Variants in EGFLAM observed in about 807,000 individuals in gnomAD.
EGFLAM encodes EGF like, fibronectin type III and laminin G domains.
Under a neutral mutation model 113.1 loss-of-function variants are expected in EGFLAM, and 79 were observed. The observed-to-expected ratio is 0.70, with a 90% CI of 0.58 to 0.84. The LOEUF (loss-of-function observed/expected upper bound fraction) is 0.84, where lower values mean the gene tolerates loss of function less well. Ranked by LOEUF, EGFLAM falls within the 40% of genes least tolerant of loss-of-function variation. The pLI is 0.00. For missense variants in EGFLAM, 1,265 were observed against 1,291.6 expected, an observed-to-expected ratio of 0.98 and a Z score of 0.32; for synonymous variants, 504 against 487.6, an observed-to-expected ratio of 1.03 and a Z score of -0.44.
At chr5:38,380,321 G>A (rs893336783) in intron 6 of EGFLAM, among the ~76,000 whole-genome samples, 2 of 152,200 alleles carry the variant, frequency 1.3e-5, no homozygotes, top group African/African-American at 2.4e-5. Context: ...ACATACTAAT[G>A]AACTTGTTCC....
rs182810414 is a variant in EGFLAM at position 38,260,127 on chromosome 5, A to G, written c.97+1276A>G. Among the ~76,000 whole-genome samples the G allele has an allele frequency of 1.3e-3, 196 of 152,318 alleles. 3 individuals are homozygous for G. Among genetic ancestry groups the G allele is most frequent in the African/African-American group, 4.3e-3 (177 of 41,570 alleles). On this transcript the variant is annotated intron_variant, in intron 1 of 21. Transcript: ENST00000322350. The stretch of plus-strand genomic sequence containing the variant: ...ATTTTGGAGATAATAGCTTCAGTCC[A>G]AGGTAATATCACATTAAATTGTTTC...
At chr5:38,306,194 G>C (rs758702062) in intron 1 of EGFLAM, among the ~76,000 whole-genome samples, 1 of 152,182 alleles carries the variant, frequency 6.6e-6, no homozygotes, top group Non-Finnish European at 1.5e-5. Flanking sequence ...TATAAAAGTG[G>C]AAAAGTTCTA....
chr5:38,267,278 T>C (rs1757656814), intron 1 of EGFLAM, among the ~76,000 whole-genome samples: 1 of 152,256 alleles, frequency 6.6e-6, no homozygotes, highest in African/African-American at 2.4e-5. Context: ...GCTATTTATT[T>C]TTCTTGCTGC....
intron 11 of EGFLAM, among the ~76,000 whole-genome samples, chr5:38,415,402 G>C (rs191259547): frequency 6.6e-6 from 1 of 152,040 alleles, no homozygotes; most frequent in East Asian, 1.9e-4. Flanking sequence ...TAATTTGATT[G>C]CCAGGCACAG....
At chr5:38,300,267 A>G in intron 1 of EGFLAM, among the ~76,000 whole-genome samples, 1 of 152,208 alleles carries the variant, frequency 6.6e-6, no homozygotes, top group East Asian at 1.9e-4. Flanking sequence ...GCACAGTCCC[A>G]AGGGGCACAT....
rs866157530 is a variant in EGFLAM, at chr5:38,412,770, A to G, written c.1494+122A>G. 107 of 1,407,784 alleles carry G rather than the reference A, an allele frequency of 7.6e-5. No homozygotes were observed. The Middle Eastern group carries it at 1.0e-3, about 14-fold the overall frequency. 87.2% of individuals were successfully genotyped at this position (1,407,784 alleles called of 1,614,324 possible). On this transcript the variant is annotated intron_variant, in intron 11 of 21. Coordinates refer to ENST00000322350, the MANE Select transcript of EGFLAM (RefSeq NM_152403.4). ...GATTCAAGTTCTGGATGGGCTTGGT[A>G]AGGCCTATTTCTCATGGTGAACCCA...
intron 6 of EGFLAM, among the ~76,000 whole-genome samples, chr5:38,376,844 T>C (rs1740377167): frequency 6.6e-6 from 1 of 152,102 alleles, no homozygotes; most frequent in South Asian, 2.1e-4. Context: ...CTAATTTTTG[T>C]ATTTTTTGTA....
intron 1 of EGFLAM, among the ~76,000 whole-genome samples, chr5:38,307,620 C>A (rs1324602206): frequency 6.6e-6 from 1 of 152,224 alleles, no homozygotes. Context: ...ATGGACTAAT[C>A]CATACCTGGT....
chr5:38,371,972 G>A (rs367933164), intron 6 of EGFLAM, among the ~76,000 whole-genome samples: 7 of 152,188 alleles, frequency 4.6e-5, no homozygotes, highest in South Asian at 2.1e-4. Context: ...CTCCCATTTC[G>A]TGAGCTGCTC....
chr5:38,261,999 T>A (rs1299549113), intron 1 of EGFLAM, among the ~76,000 whole-genome samples: 1 of 152,174 alleles, frequency 6.6e-6, no homozygotes, highest in Non-Finnish European at 1.5e-5. Flanking sequence ...ACACCACTCA[T>A]TGGATAGCCT....
chr5:38,446,397 C>G (rs1561098913), intron 17 of EGFLAM, among the ~76,000 whole-genome samples: 1 of 152,076 alleles, frequency 6.6e-6, no homozygotes, highest in South Asian at 2.1e-4. Context: ...TTCTTTCCTC[C>G]TCTTCTTGCT....
At chr5:38,463,783 C>T (rs201570086) in intron 21 of EGFLAM, 49 bp from the exon 22 acceptor site, 64 of 1,600,124 alleles carry the variant, frequency 4.0e-5, no homozygotes, top group East Asian at 4.5e-5. Context: ...CCTTGCCCTG[C>T]GGACACCTGT....
At chr5:38,333,252 C>T (rs1739091012) in intron 1 of EGFLAM, among the ~76,000 whole-genome samples, 1 of 152,130 alleles carries the variant, frequency 6.6e-6, no homozygotes. Context: ...AACAGTGCTG[C>T]AATGAACATT....
At chr5:38,402,321 C>G (rs928057682) in intron 6 of EGFLAM, among the ~76,000 whole-genome samples, 2 of 152,178 alleles carry the variant, frequency 1.3e-5, no homozygotes, top group African/African-American at 2.4e-5. Context: ...CTAGCCCTGC[C>G]ATTCCCCATC....
intron 1 of EGFLAM, among the ~76,000 whole-genome samples, chr5:38,291,429 C>T (rs940653961): frequency 1.3e-5 from 2 of 152,184 alleles, no homozygotes; most frequent in African/African-American, 4.8e-5. Context: ...CTCACCCAAC[C>T]TCTGGCATCT....
At chr5:38,283,518 C>A (rs1361383712) in intron 1 of EGFLAM, among the ~76,000 whole-genome samples, 1 of 152,132 alleles carries the variant, frequency 6.6e-6, no homozygotes, top group Non-Finnish European at 1.5e-5. Flanking sequence ...AACAGCATAG[C>A]CTCCTAAGGC....
intron 1 of EGFLAM, among the ~76,000 whole-genome samples, chr5:38,332,365 C>T (rs1739067929): frequency 6.6e-6 from 1 of 151,910 alleles, no homozygotes; most frequent in Admixed American, 6.6e-5. Flanking sequence ...GTTTGTTGTA[C>T]ATATTATTAC....
intron 19 of EGFLAM, among the ~76,000 whole-genome samples, chr5:38,452,316 A>G (rs1742946851): frequency 6.6e-6 from 1 of 152,046 alleles, no homozygotes; most frequent in Admixed American, 6.5e-5. Flanking sequence ...ACAGGCATGA[A>G]TCACTGTGCC....
At chr5:38,383,973 T>C (rs1318260405) in intron 6 of EGFLAM, among the ~76,000 whole-genome samples, 2 of 152,076 alleles carry the variant, frequency 1.3e-5, no homozygotes, top group African/African-American at 4.8e-5. Context: ...GGTCAGAGCG[T>C]GTCAAATCTT....
Sources: allele counts gnomAD v4.1 joint callset (sites outside exome capture counted in the v4.1 genomes callset), GRCh38; gene constraint gnomAD v4.1.1; transcripts MANE v1.5; gene names NCBI Gene and HGNC (gene_info 2026-07-23, HGNC 2026-07-21).